Variants in CELF2 observed in about 807,000 individuals in gnomAD.
The protein encoded by CELF2 is CUG triplet repeat RNA-binding protein 2.
Under a neutral mutation model 62.6 loss-of-function variants are expected in CELF2, and 8 were observed. The ratio of observed to expected loss-of-function variants is 0.13; its 90% confidence interval spans 0.07 to 0.23. CELF2 has a LOEUF of 0.23. Among genes scored for constraint, CELF2 ranks in the 10% least tolerant of loss-of-function variants. CELF2 has a pLI of 1.00. For synonymous variants in CELF2, 258 were observed against 250.0 expected, an observed-to-expected ratio of 1.03 and a Z score of -0.30; for missense variants, 333 against 671.0, an observed-to-expected ratio of 0.50 and a Z score of 5.56.
rs909756644 is a variant in CELF2, at chr10:10,938,589, TG to T, written c.89+18595del. ...TTAGCATTCTGCTATTTGAATTACT[TG>T]GGGGAAAACAGGAGTTGTATGACAA... On this transcript the variant is annotated intron_variant, in intron 2 of 13. Transcript: ENST00000636488. This position sits in a 1 kb window ranked among gnomAD's most constrained non-coding sequence, Gnocchi z 4.2. Among the ~76,000 whole-genome samples the T allele has an allele frequency of 6.6e-6, 1 of 152,246 alleles. No homozygotes were observed. The highest frequency in any genetic ancestry group is 2.4e-5 in the African/African-American group (1 of 41,468).
the CELF2 span, among the ~76,000 whole-genome samples, chr10:10,694,166 T>G: frequency 8.5e-3 from 1,291 of 151,926 alleles, 15 homozygotes; most frequent in African/African-American, 0.03. Flanking sequence ...TAAATTTCCC[T>G]CTACACACTG....
the CELF2 span, among the ~76,000 whole-genome samples, chr10:10,763,684 G>A: frequency 6.6e-6 from 1 of 152,128 alleles, no homozygotes; most frequent in African/African-American, 2.4e-5. Flanking sequence ...CACGAACGCG[G>A]GAACAGAGGG....
rs190806531 is a variant in CELF2, at chr10:11,041,115, A to T, written c.74+22952A>T. Among the ~76,000 whole-genome samples, 654 of 152,322 alleles carry T rather than the reference A, an allele frequency of 4.3e-3. 6 individuals carry two copies. Among genetic ancestry groups the T allele is most frequent in the Non-Finnish European group, 7.1e-3 (481 of 68,026 alleles). The stretch of plus-strand genomic sequence containing the variant: ...TTGCAGAGGGCTGCCTTCTAGCTGT[A>T]CCCTCACATGGTTCAAAAAAGTTGT... On this transcript the variant is annotated intron_variant, in intron 1 of 12. Coordinates refer to ENST00000633077, the MANE Select transcript of CELF2 (RefSeq NM_001326342.2).
chr10:11,217,510 G>A lies in CELF2; in HGVS notation c.354+3G>A. 1 of 1,600,332 alleles carries A rather than the reference G, an allele frequency of 6.2e-7. No individual in the cohort carries two copies. The highest frequency in any genetic ancestry group is 8.6e-7 in the Non-Finnish European group (1 of 1,169,286). On this transcript the variant is annotated splice_donor_region_variant and intron_variant, in intron 3 of 12. Coordinates refer to ENST00000633077, the MANE Select transcript of CELF2 (RefSeq NM_001326342.2). The surrounding 1 kb of genome is among the most constrained non-coding windows in gnomAD (Gnocchi z 5.6). ...ACAATATTAAAACTTTACCTGGGGT[G>A]AGTCGGTTTACTTTTGTACCAGAAT...
intron 1 of CELF2, among the ~76,000 whole-genome samples, chr10:10,813,101 T>G (rs949778648): frequency 1.3e-5 from 2 of 152,240 alleles, no homozygotes; most frequent in Non-Finnish European, 2.9e-5. Context: ...CTCTTTATAT[T>G]GATCCTCATT....
In CELF2 at chr10:11,270,145, G is replaced by A. The variant is rs979232578; in HGVS notation, c.619-521G>A. 4.6e-5 allele frequency among the ~76,000 whole-genome samples: 7 copies of A among 152,176 alleles called. No individual in the cohort carries two copies. The highest frequency in any genetic ancestry group is 2.1e-4 in the South Asian group (1 of 4,830). ...CCCTTTTCCCTATGATTGCTGGGCC[G>A]ATAGGATTGTCACAATCCCAAAGTT... On this transcript the variant is annotated intron_variant, in intron 6 of 12. Coordinates refer to ENST00000633077, the MANE Select transcript of CELF2 (RefSeq NM_001326342.2). This position sits in a 1 kb window ranked among gnomAD's most constrained non-coding sequence, Gnocchi z 5.8.
intron 2 of CELF2, among the ~76,000 whole-genome samples, chr10:11,182,550 A>G (rs190870469): frequency 1.3e-5 from 2 of 152,302 alleles, no homozygotes; most frequent in African/African-American, 2.4e-5. Flanking sequence ...GAGGACTTGG[A>G]TTATAACATG....
the CELF2 span, among the ~76,000 whole-genome samples, chr10:10,730,889 T>C: frequency 6.6e-6 from 1 of 152,252 alleles, no homozygotes; most frequent in Non-Finnish European, 1.5e-5. Context: ...TCCAGGCTGA[T>C]CATAATGAGC....
At chr10:10,478,897 G>A in the CELF2 span, among the ~76,000 whole-genome samples, 1 of 152,180 alleles carries the variant, frequency 6.6e-6, no homozygotes, top group Non-Finnish European at 1.5e-5. Context: ...AGCACAAAGA[G>A]TAGGTTAAAT....
chr10:10,614,430 AG>A, the CELF2 span, among the ~76,000 whole-genome samples: 1 of 152,046 alleles, frequency 6.6e-6, no homozygotes, highest in East Asian at 1.9e-4. Flanking sequence ...AGTTCTCCAT[AG>A]GAGTTGTTTT....
chr10:10,950,373 AG>A (rs1259868646), intron 2 of CELF2, among the ~76,000 whole-genome samples: 2 of 152,132 alleles, frequency 1.3e-5, no homozygotes, highest in Non-Finnish European at 2.9e-5. Flanking sequence ...AATGGGGCAA[AG>A]GGCTCCAAAG....
intron 1 of CELF2, among the ~76,000 whole-genome samples, chr10:11,019,640 C>T (rs187853758): frequency 1.3e-5 from 2 of 152,244 alleles, no homozygotes; most frequent in Admixed American, 6.5e-5. Flanking sequence ...ATCTGTTATG[C>T]AAATTGTCTT....
intron 1 of CELF2, among the ~76,000 whole-genome samples, chr10:11,112,174 C>A (rs1208041780): frequency 6.6e-6 from 1 of 152,244 alleles, no homozygotes; most frequent in East Asian, 1.9e-4. Flanking sequence ...GCATGTGCCA[C>A]ATTTTACTGG....
At chr10:10,782,716 G>A in the CELF2 span, among the ~76,000 whole-genome samples, 1 of 152,180 alleles carries the variant, frequency 6.6e-6, no homozygotes, top group Non-Finnish European at 1.5e-5. Context: ...GCCACTTTCT[G>A]AAGGAGGATT....
At chr10:10,713,483 G>A in the CELF2 span, among the ~76,000 whole-genome samples, 3 of 152,206 alleles carry the variant, frequency 2.0e-5, no homozygotes, top group Non-Finnish European at 4.4e-5. Context: ...TAAGGCAACT[G>A]CCTGGTTGTG....
At chr10:10,558,050 G>A in the CELF2 span, among the ~76,000 whole-genome samples, 1 of 146,952 alleles carries the variant, frequency 6.8e-6, no homozygotes, top group East Asian at 2.0e-4. Context: ...TAATTGCCCT[G>A]GCCAGAACTT....
At chr10:11,038,545 T>C (rs930644211) in intron 1 of CELF2, among the ~76,000 whole-genome samples, 1 of 152,194 alleles carries the variant, frequency 6.6e-6, no homozygotes, top group Non-Finnish European at 1.5e-5. Flanking sequence ...AGAGTAGTAG[T>C]TATGGTACTG....
At chr10:10,570,331 G>A in the CELF2 span, among the ~76,000 whole-genome samples, 1 of 147,858 alleles carries the variant, frequency 6.8e-6, no homozygotes, top group Non-Finnish European at 1.5e-5. Context: ...TTAACCAAAA[G>A]CAAGTGAGAG....
At chr10:10,528,978 C>T in the CELF2 span, among the ~76,000 whole-genome samples, 2 of 152,296 alleles carry the variant, frequency 1.3e-5, no homozygotes, top group Admixed American at 6.5e-5. Context: ...TTATTTTCTA[C>T]AAATGACCCA....
Sources: gnomAD v4.1 joint callset for allele counts (sites outside exome capture counted in the v4.1 genomes callset) on GRCh38, gnomAD v4.1.1 for gene constraint, Gnocchi (gnomAD v3.1) non-coding constraint, MANE v1.5 for transcripts, NCBI Gene and HGNC (gene_info 2026-07-23, HGNC 2026-07-21) for gene names.